The following XCR1 variants were observed in gnomAD, a reference collection of about 807,000 sequenced individuals.
XCR1 encodes the protein chemokine XC receptor 1.
For missense variants in XCR1, 356 were observed against 424.2 expected, an observed-to-expected ratio of 0.84 and a Z score of 1.41; for synonymous variants, 187 against 188.5, an observed-to-expected ratio of 0.99 and a Z score of 0.06.
intron 5 of XCR1, among the ~76,000 whole-genome samples, chr3:46,050,029 G>C (rs1051471500): frequency 6.6e-6 from 1 of 152,182 alleles, no homozygotes; most frequent in Non-Finnish European, 1.5e-5. Context: ...AAACTTGCAA[G>C]GTTTTGACTG....
At chr3:46,024,112 A>G (rs939647202) in intron 1 of XCR1, 1 of 740,454 alleles carries the variant, frequency 1.4e-6, no homozygotes, top group Non-Finnish European at 2.4e-6. Context: ...ACTTCCCCTT[A>G]TGGATCTCCC....
intron 5 of XCR1, among the ~76,000 whole-genome samples, chr3:46,037,377 G>A (rs1697448711): frequency 6.6e-6 from 1 of 152,066 alleles, no homozygotes; most frequent in Non-Finnish European, 1.5e-5. Flanking sequence ...TATTTTTGGT[G>A]AGAAAGGTTA....
intron 5 of XCR1, among the ~76,000 whole-genome samples, chr3:46,053,875 T>A (rs1047272336): frequency 6.7e-6 from 1 of 149,622 alleles, no homozygotes; most frequent in Non-Finnish European, 1.5e-5. Flanking sequence ...CCATTCCCAG[T>A]ACTACTTTAA....
chr3:46,042,146 A>G (rs925105089), intron 5 of XCR1, among the ~76,000 whole-genome samples: 1 of 152,226 alleles, frequency 6.6e-6, no homozygotes, highest in African/African-American at 2.4e-5. Flanking sequence ...ACGCATGTCA[A>G]AACTTATGTG....
chr3:46,052,203 C>T (rs1697760169), intron 5 of XCR1, among the ~76,000 whole-genome samples: 1 of 152,174 alleles, frequency 6.6e-6, no homozygotes, highest in Non-Finnish European at 1.5e-5. Context: ...TTGTCTCCCC[C>T]AACTAATGTA....
At chr3:46,046,901 G>A (rs1025304008) in intron 5 of XCR1, among the ~76,000 whole-genome samples, 1 of 152,168 alleles carries the variant, frequency 6.6e-6, no homozygotes, top group Non-Finnish European at 1.5e-5. Context: ...AAAGCTCCCT[G>A]CAAATGGGCT....
intron 1 of XCR1, chr3:46,023,977 A>G: frequency 1.4e-6 from 2 of 1,449,326 alleles, no homozygotes; most frequent in Non-Finnish European, 1.9e-6. Context: ...AGAATTACGG[A>G]GCTTGCCGCC....
At chr3:46,039,775 T>C (rs1697503636) in intron 5 of XCR1, among the ~76,000 whole-genome samples, 1 of 152,154 alleles carries the variant, frequency 6.6e-6, no homozygotes, top group Non-Finnish European at 1.5e-5. Context: ...TCCATGATAT[T>C]GCAAGGATCA....
intron 1 of XCR1, among the ~76,000 whole-genome samples, chr3:46,025,416 GAA>G (rs774577299): frequency 6.7e-6 from 1 of 150,136 alleles, no homozygotes; most frequent in Non-Finnish European, 1.5e-5. Flanking sequence ...AAGAAATAAA[GAA>G]AGAGAGAGAG....
chr3:46,056,655 TA>T (rs1174638007), intron 4 of XCR1, among the ~76,000 whole-genome samples: 9 of 116,604 alleles, frequency 7.7e-5, no homozygotes, highest in Non-Finnish European at 1.2e-4. Flanking sequence ...TGTATTTATT[TA>T]TTTTTTTTTT....
At chr3:46,082,616 G>A (rs986850558) in intron 1 of XCR1, among the ~76,000 whole-genome samples, 4 of 149,680 alleles carry the variant, frequency 2.7e-5, no homozygotes, top group Non-Finnish European at 4.4e-5. Context: ...TCAGCTTCCC[G>A]AGTAGCTGGG....
Position 46,021,469 on chromosome 3 carries a change from G to T in XCR1, c.479C>A (p.Ser160Tyr). The T allele has an allele frequency of 6.2e-7, 1 of 1,613,996 alleles. No individual in the cohort carries two copies. Among genetic ancestry groups the T allele is most frequent in the Non-Finnish European group, 8.5e-7 (1 of 1,179,954 alleles). ...TMAVWVASIL[S>Y]SILDTIFHKV... ...GTGGAAGATGGTGTCGAGGATGGAG[G>T]ACAGGATGCTGGCTACCCACACAGC... The change falls in exon 2 of 2, where the codon TCC becomes TAC. Residue 160 changes from serine to tyrosine, a missense_variant. Coordinates refer to ENST00000309285, the MANE Select transcript of XCR1 (RefSeq NM_001024644.2). The surrounding 1 kb of genome is among the most constrained non-coding windows in gnomAD (Gnocchi z 4.7).
chr3:46,020,723 T>G lies in XCR1; in HGVS notation c.*223A>C. 1.7e-6 allele frequency: 1 copy of G among 594,068 alleles called. No homozygotes were observed. Among genetic ancestry groups the G allele is most frequent in the Non-Finnish European group, 2.9e-6 (1 of 343,744 alleles). 36.8% of individuals were successfully genotyped at this position (594,068 alleles called of 1,614,324 possible). A position where few individuals can be genotyped will look rare whatever the true frequency, so the allele number is the denominator to read the frequency against. Reference sequence around the variant, plus strand: ...TGAACTCAGAGTTCAAGAAATGTTTTTTTGGATGGCAGTATAAAATTCCCA... The same window carrying G: ...TGAACTCAGAGTTCAAGAAATGTTTGTTTGGATGGCAGTATAAAATTCCCA... On this transcript the variant is annotated 3_prime_UTR_variant, in exon 2 of 2. Transcript: ENST00000309285.
At chr3:46,031,075 C>G (rs2125895654), upstream of XCR1, among the ~76,000 whole-genome samples, 1 of 152,282 alleles carries the variant, frequency 6.6e-6, no homozygotes, top group Non-Finnish European at 1.5e-5. Context: ...CCGGCAGGAG[C>G]TGGGGACAAA....
chr3:46,072,686 T>C (rs1698182751), intron 3 of XCR1, among the ~76,000 whole-genome samples: 1 of 152,192 alleles, frequency 6.6e-6, no homozygotes, highest in Non-Finnish European at 1.5e-5. Flanking sequence ...AAAATGACCA[T>C]ACTGCCCACA....
At chr3:46,029,489 G>C (rs892598230), upstream of XCR1, among the ~76,000 whole-genome samples, 2 of 152,096 alleles carry the variant, frequency 1.3e-5, no homozygotes, top group Non-Finnish European at 2.9e-5. Context: ...TTTTGACAAG[G>C]GTCAAAAATC....
At chr3:46,049,618 A>ATCT (rs1697701696) in intron 5 of XCR1, among the ~76,000 whole-genome samples, 1 of 152,138 alleles carries the variant, frequency 6.6e-6, no homozygotes, top group African/African-American at 2.4e-5. Context: ...TGTGAGCTCT[A>ATCT]ACACCTGAAT....
At position 46,021,615 on chromosome 3, in the gene XCR1, G is replaced by A; in HGVS notation, c.333C>T (p.Ile111=). 2 of 1,613,470 alleles carry A rather than the reference G, an allele frequency of 1.2e-6. No individual in the cohort carries two copies. Among genetic ancestry groups the A allele is most frequent in the Non-Finnish European group, 8.5e-7 (1 of 1,179,692 alleles). The part of the protein sequence containing the change: ...LCKLLNMIFS[I]SLYSSIFFLT... Reference sequence around the variant, plus strand: ...GGAAGAAGATGCTGCTGTAGAGGCTGATGGAGAAGATCATATTGAGGAGTT... The same window carrying A: ...GGAAGAAGATGCTGCTGTAGAGGCTAATGGAGAAGATCATATTGAGGAGTT... Residue 111 remains isoleucine, a synonymous_variant, in exon 2 of 2, where the codon ATC becomes ATT. Transcript: ENST00000309285. This position sits in a 1 kb window ranked among gnomAD's most constrained non-coding sequence, Gnocchi z 4.7.
chr3:46,024,243 A>C, intron 1 of XCR1: 2 of 330,712 alleles, frequency 6.0e-6, no homozygotes, highest in South Asian at 7.7e-5. Flanking sequence ...GAAAAGGGAA[A>C]ACCACGTAGA....
Sources: allele counts gnomAD v4.1 joint callset (sites outside exome capture counted in the v4.1 genomes callset), GRCh38; gene constraint gnomAD v4.1.1; non-coding constraint Gnocchi (gnomAD v3.1); transcripts MANE v1.5; gene names NCBI Gene and HGNC (gene_info 2026-07-23, HGNC 2026-07-21).